The following SMU1 variants were observed in gnomAD, a reference collection of about 807,000 sequenced individuals.
The protein encoded by SMU1 is SMU1 DNA replication regulator and spliceosomal factor.
A neutral mutation model predicts 62.0 loss-of-function variants in SMU1; 2 were observed. The ratio of observed to expected loss-of-function variants is 0.03; its 90% CI spans 0.01 to 0.10. The LOEUF is 0.10. Ranked by LOEUF, SMU1 falls within the 10% of genes least tolerant of loss-of-function variation. The pLI is 1.00. For missense variants in SMU1, 227 were observed against 622.1 expected (o/e 0.36, Z 6.76); for synonymous variants, 188 against 212.4 (o/e 0.89, Z 1.00).
chr9:33,056,045 A>G, intron 9 of SMU1, 68 bp downstream of exon 9: 1 of 1,489,008 alleles, frequency 6.7e-7, no homozygotes, highest in South Asian at 1.3e-5. Context: ...CATTATCACC[A>G]CTGAAAACTC....
rs1839151816 is a variant in SMU1, at chr9:33,043,807, G to A, written c.*3486C>T. ...GGACTGAGTTAGGTGCCTCACGTCT[G>A]GAAACCTGTTTCTTCATGTGCATTT... On this transcript the variant is annotated 3_prime_UTR_variant, in exon 12 of 12. Transcript: ENST00000397149. The A allele has an allele frequency of 6.6e-6, 1 of 152,270 alleles. No homozygotes were observed. The highest frequency in any genetic ancestry group is 1.5e-5 in the Non-Finnish European group (1 of 68,016). The allele number at this position is 152,270 out of a possible 1,614,324, so 9.4% of individuals were successfully genotyped here.
Position 33,045,771 on chromosome 9 carries a change from G to C in SMU1, c.*1522C>G, listed in dbSNP as rs1427188529. On this transcript the variant is annotated 3_prime_UTR_variant, in exon 12 of 12. Transcript: ENST00000397149. ...AAGGCAGGAGAATCGCTTGAACCTG[G>C]GAAGTGGAAGTTGCAGTTAGCTGAG... 1 of 150,934 alleles carries C rather than the reference G, an allele frequency of 6.6e-6. No individual in the cohort carries two copies. The highest frequency in any genetic ancestry group is 2.4e-5 in the African/African-American group (1 of 41,080). The allele number at this position is 150,934 out of a possible 1,614,324, so 9.3% of individuals were successfully genotyped here.
chr9:33,056,991 A>T, intron 7 of SMU1, 27 bp from the exon 8 acceptor site: 5 of 1,591,998 alleles, frequency 3.1e-6, no homozygotes, highest in Non-Finnish European at 4.3e-6. Context: ...AAAAAGAATT[A>T]AAAAAACCTT....
intron 4 of SMU1, among the ~76,000 whole-genome samples, chr9:33,066,017 T>C (rs140748315): frequency 1.7e-3 from 260 of 152,264 alleles, no homozygotes; most frequent in Admixed American, 3.5e-3. Context: ...AAGCAGGAAC[T>C]ACTCTCTGGA....
At chr9:33,062,256 G>C (rs74679610) in intron 4 of SMU1, 79 bp from the exon 5 acceptor site, 3 of 1,512,082 alleles carry the variant, frequency 2.0e-6, no homozygotes. Context: ...AACCAAGCCC[G>C]AAAGGATGAG....
Position 33,044,520 on chromosome 9 carries a change from CG to C in SMU1, c.*2772del, listed in dbSNP as rs1839162195. On this transcript the variant is annotated 3_prime_UTR_variant, in exon 12 of 12. Coordinates refer to ENST00000397149, the MANE Select transcript of SMU1 (RefSeq NM_018225.3). ...CCCCGCCGCGGTCTGGCTGTAAGGG[CG>C]CTGGAGGGGAGCTGGGCTGCCCCAG... 1 of 152,296 alleles carries C rather than the reference CG, an allele frequency of 6.6e-6. No individual in the cohort carries two copies. Among genetic ancestry groups the C allele is most frequent in the Admixed American group, 6.5e-5 (1 of 15,292 alleles). The allele number at this position is 152,296 out of a possible 1,614,324, so 9.4% of individuals were successfully genotyped here.
intron 3 of SMU1, among the ~76,000 whole-genome samples, chr9:33,070,389 C>G (rs1839472646): frequency 6.6e-6 from 1 of 152,098 alleles, no homozygotes; most frequent in Non-Finnish European, 1.5e-5. Context: ...ATAACAAATG[C>G]TGGTGAGTAA....
chr9:33,066,505 T>TAAAA (rs35501819), intron 4 of SMU1, among the ~76,000 whole-genome samples: 3,924 of 99,974 alleles, frequency 0.039, 145 homozygotes, highest in East Asian at 0.1. Flanking sequence ...TCCATTTAAT[T>TAAAA]AAAAAAAAAA....
intron 5 of SMU1, 110 bp from the exon 6 acceptor site, chr9:33,060,694 C>T: frequency 7.1e-7 from 1 of 1,415,216 alleles, no homozygotes; most frequent in Non-Finnish European, 9.7e-7. Flanking sequence ...CATAGCTGGC[C>T]CATATTATAG....
At chr9:33,074,255 G>C (rs1839517305) in intron 1 of SMU1, among the ~76,000 whole-genome samples, 1 of 152,160 alleles carries the variant, frequency 6.6e-6, no homozygotes, top group South Asian at 2.1e-4. Context: ...CTGGAAACCA[G>C]GAGGTTTGAG....
At position 33,043,049 on chromosome 9, in the gene SMU1, G is replaced by A. The variant is rs544164449; in HGVS notation, c.*4244C>T. The A allele has an allele frequency of 2.0e-5, 3 of 152,262 alleles. No individual in the cohort carries two copies. The South Asian group carries it at 6.2e-4, about 32-fold the overall frequency. The allele number at this position is 152,262 out of a possible 1,614,324, so 9.4% of individuals were successfully genotyped here. A position where few individuals can be genotyped will look rare whatever the true frequency, so the allele number is the denominator to read the frequency against. On this transcript the variant is annotated 3_prime_UTR_variant, in exon 12 of 12. Coordinates refer to ENST00000397149, the MANE Select transcript of SMU1 (RefSeq NM_018225.3). ...AGGGTGTCACCATGTTGGCCAGGGT[G>A]GTCTTGAACTCCTGACCTCGTGATC...
intron 2 of SMU1, 152 bp from the exon 3 acceptor site, chr9:33,072,044 G>T: frequency 2.7e-6 from 2 of 749,016 alleles, no homozygotes; most frequent in Non-Finnish European, 2.0e-6. Flanking sequence ...AGCAATTTCA[G>T]GTGGACTTGG....
intron 10 of SMU1, among the ~76,000 whole-genome samples, 180 bp downstream of exon 10, chr9:33,052,943 T>C (rs1462456489): frequency 6.6e-6 from 1 of 152,244 alleles, no homozygotes; most frequent in Non-Finnish European, 1.5e-5. Context: ...GAGATCACTT[T>C]TGAAATACCA....
chr9:33,070,921 A>G (rs910032012), intron 3 of SMU1, among the ~76,000 whole-genome samples: 2 of 152,184 alleles, frequency 1.3e-5, no homozygotes, highest in African/African-American at 4.8e-5. Flanking sequence ...GTTAATAGAT[A>G]CAAAAAATAT....
chr9:33,054,958 C>T (rs549765204), intron 9 of SMU1, among the ~76,000 whole-genome samples: 2 of 152,166 alleles, frequency 1.3e-5, no homozygotes, highest in African/African-American at 4.8e-5. Flanking sequence ...AAATAAGGAA[C>T]CTTAGATAAG....
chr9:33,049,342 A>T (rs1018466837), intron 10 of SMU1, among the ~76,000 whole-genome samples: 2 of 152,224 alleles, frequency 1.3e-5, no homozygotes, highest in Non-Finnish European at 2.9e-5. Context: ...TAGAGAAAAG[A>T]TAGTGTTTTC....
chr9:33,067,927 G>A (rs947502146), intron 4 of SMU1, among the ~76,000 whole-genome samples: 8 of 152,180 alleles, frequency 5.3e-5, no homozygotes, highest in African/African-American at 1.9e-4. Flanking sequence ...TGTGCCCTTT[G>A]TTATTTATAA....
At chr9:33,068,263 C>T (rs758726992) in intron 4 of SMU1, among the ~76,000 whole-genome samples, 10 of 152,158 alleles carry the variant, frequency 6.6e-5, no homozygotes, top group Non-Finnish European at 8.8e-5. Context: ...ATCAACTGTA[C>T]TCTCAACGAT....
rs1011437423 is a variant in SMU1, at chr9:33,044,791, C to G, written c.*2502G>C. 2.0e-5 allele frequency: 3 copies of G among 152,080 alleles called. No individual in the cohort carries two copies. Among genetic ancestry groups the G allele is most frequent in the African/African-American group, 7.2e-5 (3 of 41,386 alleles). The allele number at this position is 152,080 out of a possible 1,614,324, so 9.4% of individuals were successfully genotyped here. A position where few individuals can be genotyped will look rare whatever the true frequency, so the allele number is the denominator to read the frequency against. Reference sequence around the variant, plus strand: ...AATATATACTTAACGGCTCCTAATCCAGCTCTCTTTGCCTGGTCTCCCAAG... The same window carrying G: ...AATATATACTTAACGGCTCCTAATCGAGCTCTCTTTGCCTGGTCTCCCAAG... On this transcript the variant is annotated 3_prime_UTR_variant, in exon 12 of 12. Coordinates refer to ENST00000397149, the MANE Select transcript of SMU1 (RefSeq NM_018225.3).
Sources: gnomAD v4.1 joint callset for allele counts (sites outside exome capture counted in the v4.1 genomes callset) on GRCh38, gnomAD v4.1.1 for gene constraint, MANE v1.5 for transcripts, NCBI Gene and HGNC (gene_info 2026-07-23, HGNC 2026-07-21) for gene names.